Variants in NRXN1 observed in about 807,000 individuals in gnomAD.
NRXN1 encodes neurexin-1.
Under a neutral mutation model 150.9 loss-of-function variants are expected in NRXN1, and 39 were observed. The observed-to-expected ratio is 0.26, with a 90% CI of 0.20 to 0.34. The LOEUF (loss-of-function observed/expected upper bound fraction) is 0.34. NRXN1 is among the 10% of genes least tolerant of loss of function. NRXN1 has a pLI of 1.00. For synonymous variants in NRXN1, 924 were observed against 757.0 expected, an observed-to-expected ratio of 1.22 and a Z score of -3.62; for missense variants, 1,815 against 1,949.9, an observed-to-expected ratio of 0.93 and a Z score of 1.30.
intron 5 of NRXN1, among the ~76,000 whole-genome samples, chr2:50,845,211 G>C (rs1173388467): frequency 6.6e-6 from 1 of 152,008 alleles, no homozygotes; most frequent in Admixed American, 6.6e-5. Context: ...ATTTTGTATG[G>C]ATCCAGAGAA....
intron 5 of NRXN1, among the ~76,000 whole-genome samples, chr2:50,685,339 T>C (rs1691063853): frequency 6.6e-6 from 1 of 152,134 alleles, no homozygotes; most frequent in Admixed American, 6.5e-5. Flanking sequence ...CACTCAGGAA[T>C]ATTCAGTAGT....
At chr2:50,742,464 G>A (rs1295327449) in intron 5 of NRXN1, among the ~76,000 whole-genome samples, 3 of 151,322 alleles carry the variant, frequency 2.0e-5, no homozygotes, top group African/African-American at 4.9e-5. Flanking sequence ...AAAAATTAGC[G>A]GGGCATGGTG....
intron 21 of NRXN1, among the ~76,000 whole-genome samples, chr2:49,949,492 G>A (rs1013463610): frequency 6.6e-6 from 1 of 151,852 alleles, no homozygotes; most frequent in Non-Finnish European, 1.5e-5. Flanking sequence ...CTTTCCTGAA[G>A]ACTAATATAT....
At chr2:50,303,708 C>T (rs1191570366) in intron 17 of NRXN1, among the ~76,000 whole-genome samples, 1 of 152,070 alleles carries the variant, frequency 6.6e-6, no homozygotes, top group Admixed American at 6.6e-5. Context: ...TGAAAAGCAT[C>T]CTGATTTTTG....
intron 17 of NRXN1, among the ~76,000 whole-genome samples, chr2:50,419,218 A>T (rs1424904524): frequency 1.3e-5 from 2 of 152,126 alleles, no homozygotes; most frequent in African/African-American, 4.8e-5. Context: ...AGGCTTAAAT[A>T]AATAGTATAT....
chr2:50,816,912 G>A (rs914731358), intron 5 of NRXN1, among the ~76,000 whole-genome samples: 7 of 152,064 alleles, frequency 4.6e-5, no homozygotes, highest in Admixed American at 6.6e-5. Flanking sequence ...CAAATAATAC[G>A]GATTTTTTTA....
chr2:50,854,155 T>C (rs960663375), intron 5 of NRXN1, among the ~76,000 whole-genome samples: 1 of 152,070 alleles, frequency 6.6e-6, no homozygotes, highest in Non-Finnish European at 1.5e-5. Flanking sequence ...TTCTCTTTAT[T>C]TTCCACTTTG....
chr2:50,205,673 C>T (rs1406479742), intron 18 of NRXN1, among the ~76,000 whole-genome samples: 1 of 151,952 alleles, frequency 6.6e-6, no homozygotes, highest in Non-Finnish European at 1.5e-5. Flanking sequence ...AATAGCATTA[C>T]TCATGATTAC....
At chr2:50,945,283 G>A (rs1690160693) in intron 2 of NRXN1, among the ~76,000 whole-genome samples, 1 of 152,082 alleles carries the variant, frequency 6.6e-6, no homozygotes, top group Non-Finnish European at 1.5e-5. Context: ...AGACCAGCCT[G>A]GGCAATATGG....
chr2:49,929,730 T>TC (rs756666333), intron 22 of NRXN1, among the ~76,000 whole-genome samples: 35 of 152,302 alleles, frequency 2.3e-4, no homozygotes, highest in Admixed American at 3.9e-4. Context: ...TGATTTTTTT[T>TC]CTCTAAGAAA....
intron 8 of NRXN1, among the ~76,000 whole-genome samples, chr2:50,585,230 G>A (rs546397301): frequency 2.6e-5 from 4 of 151,982 alleles, no homozygotes; most frequent in African/African-American, 4.8e-5. Context: ...ATGTAAGACC[G>A]GGACAAAAAA....
Position 50,751,466 on chromosome 2 carries a change from T to C in NRXN1, c.833-127851A>G, listed in dbSNP as rs572986835. On this transcript the variant is annotated intron_variant, in intron 5 of 22. Transcript: ENST00000401669. The stretch of plus-strand genomic sequence containing the variant: ...TGATGGCAGCACAATCAAGCTGTTT[T>C]GTGGAAGGTATAACTGCTTTGCATG... 1.7e-3 allele frequency among the ~76,000 whole-genome samples: 255 copies of C among 152,104 alleles called. 1 individual carries two copies. Among genetic ancestry groups the C allele is most frequent in the South Asian group, 0.011 (54 of 4,822 alleles).
chr2:50,552,160 G>A (rs1474887147), intron 9 of NRXN1, among the ~76,000 whole-genome samples: 1 of 152,120 alleles, frequency 6.6e-6, no homozygotes, highest in Non-Finnish European at 1.5e-5. Context: ...AGTGTGACGT[G>A]CCAAACTAAG....
In NRXN1 at chr2:50,050,739, C is replaced by A. The variant is rs908428002; in HGVS notation, c.4128+2532G>T. ...ATTACGAATTATGGAAAATTTTCAA[C>A]AAATTATTCTGTCACTCAAATATAA... On this transcript the variant is annotated intron_variant, in intron 21 of 22. Transcript: ENST00000401669. Among the ~76,000 whole-genome samples the A allele has an allele frequency of 4.6e-5, 7 of 151,652 alleles. 1 individual carries two copies. The highest frequency in any genetic ancestry group is 3.3e-4 in the Admixed American group (5 of 15,186).
chr2:50,759,888 C>A (rs1276755308), intron 5 of NRXN1, among the ~76,000 whole-genome samples: 1 of 148,206 alleles, frequency 6.7e-6, no homozygotes, highest in African/African-American at 2.5e-5. Flanking sequence ...CAATACCTAA[C>A]AAAGATCCCT....
chr2:50,900,071 C>A (rs371329872), intron 5 of NRXN1, among the ~76,000 whole-genome samples: 2 of 152,054 alleles, frequency 1.3e-5, no homozygotes, highest in South Asian at 2.1e-4. Context: ...GAGAATTAAT[C>A]AATCTAGAGT....
chr2:50,119,717 C>T (rs567822226), intron 18 of NRXN1, among the ~76,000 whole-genome samples: 5 of 152,240 alleles, frequency 3.3e-5, no homozygotes, highest in East Asian at 1.9e-4. Context: ...ACTTAAGATA[C>T]GGATGTATAT....
At chr2:50,268,556 G>T (rs2069167777) in intron 17 of NRXN1, among the ~76,000 whole-genome samples, 1 of 152,098 alleles carries the variant, frequency 6.6e-6, no homozygotes, top group Non-Finnish European at 1.5e-5. Context: ...CAGACTCAGG[G>T]AGTCAATCCC....
intron 17 of NRXN1, among the ~76,000 whole-genome samples, chr2:50,428,762 A>G (rs1402850387): frequency 6.6e-6 from 1 of 152,204 alleles, no homozygotes; most frequent in Non-Finnish European, 1.5e-5. Context: ...ATATATCCCT[A>G]TGCTAAGAGG....
Sources: gnomAD v4.1 joint callset for allele counts (sites outside exome capture counted in the v4.1 genomes callset) on GRCh38, gnomAD v4.1.1 for gene constraint, MANE v1.5 for transcripts, NCBI Gene and HGNC (gene_info 2026-07-23, HGNC 2026-07-21) for gene names.